FHIT: variants seen among roughly 807,000 people sequenced by gnomAD.
The protein encoded by FHIT is fragile histidine triad diadenosine triphosphatase, also known as bis(5'-adenosyl)-triphosphatase.
A neutral mutation model predicts 17.9 loss-of-function variants in FHIT; 19 were observed. That is an observed-to-expected ratio of 1.06 (90% CI 0.74 to 1.56). The LOEUF (loss-of-function observed/expected upper bound fraction) is 1.56, where lower values mean the gene tolerates loss of function less well. Among genes scored for constraint, FHIT ranks in the 40% most tolerant of loss-of-function variants. The pLI is 0.00. For missense variants in FHIT, 248 were observed against 189.2 expected, an observed-to-expected ratio of 1.31 and a Z score of -1.82; for synonymous variants, 81 against 69.7, an observed-to-expected ratio of 1.16 and a Z score of -0.81.
chr3:59,999,700 C>A (rs1365508498), intron 7 of FHIT, among the ~76,000 whole-genome samples: 1 of 152,050 alleles, frequency 6.6e-6, no homozygotes, highest in Non-Finnish European at 1.5e-5. Context: ...TGCCGCCTCC[C>A]AGGTTCAAGT....
At chr3:61,027,352 G>T (rs1444742486) in intron 3 of FHIT, among the ~76,000 whole-genome samples, 2 of 152,222 alleles carry the variant, frequency 1.3e-5, no homozygotes, top group Non-Finnish European at 2.9e-5. Flanking sequence ...CTCCCAAAGT[G>T]CTGGGATTAC....
intron 1 of FHIT, among the ~76,000 whole-genome samples, chr3:61,224,304 A>G (rs1315569255): frequency 2.0e-5 from 3 of 152,252 alleles, no homozygotes; most frequent in African/African-American, 2.4e-5. Flanking sequence ...GATTTGGTTC[A>G]TGGGTTCCAA....
At chr3:60,059,150 G>C (rs1167679670) in intron 5 of FHIT, among the ~76,000 whole-genome samples, 1 of 152,142 alleles carries the variant, frequency 6.6e-6, no homozygotes, top group African/African-American at 2.4e-5. Context: ...ATAATAATTT[G>C]TCACAGCCAG....
chr3:61,183,549 T>C (rs1241212863), intron 2 of FHIT, among the ~76,000 whole-genome samples: 1 of 152,228 alleles, frequency 6.6e-6, no homozygotes, highest in East Asian at 1.9e-4. Context: ...CTGTGCAATC[T>C]TGGTCAACTT....
At chr3:60,592,259 A>G (rs963828955) in intron 4 of FHIT, among the ~76,000 whole-genome samples, 3 of 143,132 alleles carry the variant, frequency 2.1e-5, no homozygotes, top group African/African-American at 7.5e-5. Context: ...TACTATATAT[A>G]CTCTCTCTCT....
At chr3:60,470,399 C>T (rs937430831) in intron 5 of FHIT, among the ~76,000 whole-genome samples, 25 of 152,018 alleles carry the variant, frequency 1.6e-4, no homozygotes, top group African/African-American at 6.0e-4. Context: ...TCTATTCTAC[C>T]GCAGCTAAGC....
At chr3:60,059,536 T>G (rs926461904) in intron 5 of FHIT, among the ~76,000 whole-genome samples, 1 of 152,130 alleles carries the variant, frequency 6.6e-6, no homozygotes, top group Non-Finnish European at 1.5e-5. Context: ...CCAGATATAC[T>G]TTCCTTTCTT....
At chr3:60,160,626 T>C (rs1011491602) in intron 5 of FHIT, among the ~76,000 whole-genome samples, 6 of 152,154 alleles carry the variant, frequency 3.9e-5, no homozygotes, top group African/African-American at 1.4e-4. Flanking sequence ...GTGGTGAGCA[T>C]CTGCTGTTTT....
chr3:59,918,543 G>A (rs1261817544), intron 8 of FHIT, among the ~76,000 whole-genome samples: 1 of 152,142 alleles, frequency 6.6e-6, no homozygotes, highest in African/African-American at 2.4e-5. Flanking sequence ...CCAGAGCACT[G>A]TAAATGAATA....
At chr3:59,943,738 A>T (rs1339111181) in intron 7 of FHIT, among the ~76,000 whole-genome samples, 1 of 152,154 alleles carries the variant, frequency 6.6e-6, no homozygotes, top group Admixed American at 6.6e-5. Flanking sequence ...TCATTCCTTC[A>T]TCATACTCAC....
intron 7 of FHIT, among the ~76,000 whole-genome samples, chr3:60,005,194 A>C (rs1699876404): frequency 6.6e-6 from 1 of 152,212 alleles, no homozygotes; most frequent in African/African-American, 2.4e-5. Context: ...AGTTTGAATG[A>C]ACAGGGAAAA....
intron 5 of FHIT, among the ~76,000 whole-genome samples, chr3:60,088,221 C>G (rs866253673): frequency 6.6e-6 from 1 of 152,100 alleles, no homozygotes; most frequent in Non-Finnish European, 1.5e-5. Flanking sequence ...CTATTCATGA[C>G]GGATCTGCCT....
intron 5 of FHIT, among the ~76,000 whole-genome samples, chr3:60,339,360 G>C (rs1576499891): frequency 1.3e-5 from 2 of 152,186 alleles, no homozygotes; most frequent in East Asian, 1.9e-4. Flanking sequence ...CTGAAACAAA[G>C]ACCACGTCTA....
At chr3:60,933,281 T>C (rs1708049808) in intron 3 of FHIT, among the ~76,000 whole-genome samples, 1 of 152,222 alleles carries the variant, frequency 6.6e-6, no homozygotes, top group Non-Finnish European at 1.5e-5. Context: ...GGCACATAAG[T>C]AATTTTAGTG....
chr3:61,033,615 A>G (rs183519063), intron 3 of FHIT, among the ~76,000 whole-genome samples: 9 of 152,334 alleles, frequency 5.9e-5, no homozygotes, highest in East Asian at 1.9e-4. Flanking sequence ...GTATATTTCT[A>G]TTGGACAGCC....
chr3:60,173,478 T>A (rs1337060254), intron 5 of FHIT, among the ~76,000 whole-genome samples: 3 of 152,148 alleles, frequency 2.0e-5, no homozygotes, highest in African/African-American at 7.2e-5. Context: ...TAGGAGTTTA[T>A]TTCAGAGAAA....
At chr3:60,847,663 A>C (rs893222780) in intron 3 of FHIT, among the ~76,000 whole-genome samples, 3 of 152,002 alleles carry the variant, frequency 2.0e-5, no homozygotes, top group African/African-American at 7.3e-5. Flanking sequence ...ATGCCACAAA[A>C]ATTCAGAAAC....
At chr3:59,981,815 G>C (rs1247367296) in intron 7 of FHIT, among the ~76,000 whole-genome samples, 2 of 152,036 alleles carry the variant, frequency 1.3e-5, no homozygotes, top group Non-Finnish European at 2.9e-5. Flanking sequence ...CTCTGGAATC[G>C]ATATTAATCA....
chr3:61,176,107 G>A (rs2038149293), intron 2 of FHIT, among the ~76,000 whole-genome samples: 1 of 152,236 alleles, frequency 6.6e-6, no homozygotes, highest in African/African-American at 2.4e-5. Flanking sequence ...TCGAAAGGCT[G>A]ACGTGGGTTT....
Sources: gnomAD v4.1 joint callset for allele counts (sites outside exome capture counted in the v4.1 genomes callset) on GRCh38, gnomAD v4.1.1 for gene constraint, MANE v1.5 for transcripts, NCBI Gene and HGNC (gene_info 2026-07-23, HGNC 2026-07-21) for gene names.